CDH13: variants seen among roughly 807,000 people sequenced by gnomAD.
CDH13 encodes cadherin 13, also known as cadherin-13.
Under a neutral mutation model 63.8 loss-of-function variants are expected in CDH13, and 24 were observed. That is an observed-to-expected ratio of 0.38 (90% confidence interval 0.27 to 0.53). CDH13 has a LOEUF of 0.53. Ranked by LOEUF, CDH13 falls within the 20% of genes least tolerant of loss-of-function variation. The pLI is 0.85. For missense variants in CDH13, 1,049 were observed against 903.1 expected, an observed-to-expected ratio of 1.16 and a Z score of -2.07; for synonymous variants, 503 against 355.3, an observed-to-expected ratio of 1.42 and a Z score of -4.67.
chr16:83,584,125 C>G (rs1457515074), intron 7 of CDH13, among the ~76,000 whole-genome samples: 3 of 152,082 alleles, frequency 2.0e-5, no homozygotes, highest in Non-Finnish European at 2.9e-5. Context: ...GTCAGGAGAT[C>G]AAGACCATCT....
chr16:83,535,667 G>A, intron 7 of CDH13, among the ~76,000 whole-genome samples: 1 of 152,142 alleles, frequency 6.6e-6, no homozygotes, highest in Non-Finnish European at 1.5e-5. Flanking sequence ...TCCTGGACAG[G>A]TTAATTAACA....
chr16:82,986,459 T>C (rs1472271459), intron 2 of CDH13, among the ~76,000 whole-genome samples: 1 of 152,232 alleles, frequency 6.6e-6, no homozygotes, highest in African/African-American at 2.4e-5. Context: ...AGATTTCTTA[T>C]TGTCCTCTGG....
intron 1 of CDH13, among the ~76,000 whole-genome samples, chr16:82,811,222 G>C (rs143940862): frequency 7.8e-4 from 119 of 152,104 alleles, no homozygotes; most frequent in African/African-American, 2.8e-3. Context: ...ATGCCAAATT[G>C]GTAGCTTGAA....
chr16:83,379,045 C>T (rs2091509047), intron 6 of CDH13, among the ~76,000 whole-genome samples: 1 of 151,636 alleles, frequency 6.6e-6, no homozygotes, highest in East Asian at 1.9e-4. Context: ...ATAACATATG[C>T]TTATCCTTGA....
chr16:82,906,250 A>G (rs912029498), intron 2 of CDH13, among the ~76,000 whole-genome samples: 1 of 152,196 alleles, frequency 6.6e-6, no homozygotes, highest in African/African-American at 2.4e-5. Flanking sequence ...GAAGGTTGAT[A>G]GATTAATAAT....
chr16:82,971,282 C>A (rs1908705600), intron 2 of CDH13, among the ~76,000 whole-genome samples: 1 of 152,180 alleles, frequency 6.6e-6, no homozygotes, highest in Non-Finnish European at 1.5e-5. Context: ...GGCTGCTTTC[C>A]CTGCCTTATC....
intron 6 of CDH13, chr16:83,396,788 G>C (rs797004150): frequency 3.3e-5 from 5 of 151,872 alleles, no homozygotes; most frequent in African/African-American, 1.2e-4. Flanking sequence ...AGGAACATTA[G>C]GGGAGGAGCA....
chr16:83,672,623 C>G (rs1025693532), intron 9 of CDH13, among the ~76,000 whole-genome samples: 1 of 151,842 alleles, frequency 6.6e-6, no homozygotes, highest in South Asian at 2.1e-4. Flanking sequence ...CGGGGTCTCA[C>G]CAGGTTGGCC....
chr16:82,849,967 C>T (rs1278596259), intron 1 of CDH13, among the ~76,000 whole-genome samples: 1 of 152,192 alleles, frequency 6.6e-6, no homozygotes, highest in Non-Finnish European at 1.5e-5. Flanking sequence ...TGACAATGTA[C>T]CTGGACATCC....
chr16:82,780,695 T>C (rs2035715014), intron 1 of CDH13, among the ~76,000 whole-genome samples: 1 of 152,260 alleles, frequency 6.6e-6, no homozygotes, highest in African/African-American at 2.4e-5. Flanking sequence ...AAAATTACAA[T>C]TGGCATGATT....
In CDH13 at chr16:82,888,405, C is replaced by T. The variant is rs541444230; in HGVS notation, c.157+29932C>T. On this transcript the variant is annotated intron_variant, in intron 2 of 13. Transcript: ENST00000567109. The stretch of plus-strand genomic sequence containing the variant: ...TCTTCTTCTCTGGAGGCTTCAAATT[C>T]CTCCTCTGTCAAATGAAGGGACTGG... Among the ~76,000 whole-genome samples the T allele has an allele frequency of 5.9e-5, 9 of 152,308 alleles. No homozygotes were observed. In the South Asian group the frequency reaches 8.3e-4, roughly 14 times the overall value.
At chr16:83,494,416 A>C (rs573670650) in intron 7 of CDH13, among the ~76,000 whole-genome samples, 1 of 152,328 alleles carries the variant, frequency 6.6e-6, no homozygotes, top group South Asian at 2.1e-4. Flanking sequence ...CTAAACCCCA[A>C]ATCCTCTAAA....
At chr16:83,029,367 C>A (rs1283841601) in intron 2 of CDH13, among the ~76,000 whole-genome samples, 1 of 152,042 alleles carries the variant, frequency 6.6e-6, no homozygotes, top group Non-Finnish European at 1.5e-5. Context: ...CAAGAAAGTT[C>A]CTAGCAACAA....
chr16:83,094,778 ACTTC>A (rs1479813004), intron 3 of CDH13, among the ~76,000 whole-genome samples: 1 of 152,192 alleles, frequency 6.6e-6, no homozygotes, highest in African/African-American at 2.4e-5. Flanking sequence ...AAAGTTGGTG[ACTTC>A]CTTCTGACTT....
chr16:83,382,422 C>G (rs2091585710), intron 6 of CDH13, among the ~76,000 whole-genome samples: 1 of 152,074 alleles, frequency 6.6e-6, no homozygotes, highest in Non-Finnish European at 1.5e-5. Context: ...GAACAAAGAA[C>G]TTCCATACCC....
chr16:83,793,378 C>T (rs911375972), intron 13 of CDH13, among the ~76,000 whole-genome samples: 1 of 152,150 alleles, frequency 6.6e-6, no homozygotes, highest in African/African-American at 2.4e-5. Flanking sequence ...CTGAGTTGAG[C>T]AGAGTGACAG....
chr16:83,116,531 G>A (rs971554110), intron 3 of CDH13, among the ~76,000 whole-genome samples: 4 of 131,942 alleles, frequency 3.0e-5, no homozygotes, highest in East Asian at 2.0e-4. Context: ...GAAAGAGGGT[G>A]AAGTTCATGG....
chr16:83,751,477 C>G (rs1015614666), intron 11 of CDH13, among the ~76,000 whole-genome samples: 1 of 151,960 alleles, frequency 6.6e-6, no homozygotes, highest in East Asian at 1.9e-4. Context: ...AAGATACATC[C>G]TATAGCAGCA....
intron 6 of CDH13, among the ~76,000 whole-genome samples, chr16:83,424,155 A>G (rs1567662942): frequency 1.3e-5 from 2 of 152,144 alleles, no homozygotes; most frequent in African/African-American, 4.8e-5. Flanking sequence ...ACATGGACTG[A>G]AAAGTCTAGA....
Sources: gnomAD v4.1 joint callset for allele counts (sites outside exome capture counted in the v4.1 genomes callset) on GRCh38, gnomAD v4.1.1 for gene constraint, MANE v1.5 for transcripts, NCBI Gene and HGNC (gene_info 2026-07-23, HGNC 2026-07-21) for gene names.